The following GLT1D1 variants were observed in gnomAD, a reference collection of about 807,000 sequenced individuals.
GLT1D1 encodes the protein glycosyltransferase 1 domain-containing protein 1.
A neutral mutation model predicts 28.7 loss-of-function variants in GLT1D1; 21 were observed. The observed-to-expected ratio is 0.73, with a 90% CI of 0.52 to 1.05. The LOEUF (loss-of-function observed/expected upper bound fraction) is 1.05, where lower values mean the gene tolerates loss of function less well. GLT1D1 is among the 50% of genes least tolerant of loss of function. The pLI is 0.00. For synonymous variants in GLT1D1, 147 were observed against 124.8 expected, an observed-to-expected ratio of 1.18 and a Z score of -1.19; for missense variants, 343 against 330.6, an observed-to-expected ratio of 1.04 and a Z score of -0.29.
rs1277433362 is a variant in GLT1D1 at position 128,983,915 on chromosome 12, C to G, written c.*825C>G. The G allele has an allele frequency of 6.6e-6, 1 of 152,278 alleles. No individual in the cohort carries two copies. Among genetic ancestry groups the G allele is most frequent in the Non-Finnish European group, 1.5e-5 (1 of 68,076 alleles). 9.4% of individuals were successfully genotyped at this position (152,278 alleles called of 1,614,324 possible). Reference sequence around the variant, plus strand: ...GCCTCCAGCCTTTGGCAGGATGGAGCTTGGGTCTGCAGGGCTTTGCAGCCA... The same window carrying G: ...GCCTCCAGCCTTTGGCAGGATGGAGGTTGGGTCTGCAGGGCTTTGCAGCCA... On this transcript the variant is annotated 3_prime_UTR_variant, in exon 8 of 8. Transcript: ENST00000281703. This position sits in a 1 kb window ranked among gnomAD's most constrained non-coding sequence, Gnocchi z 4.7.
At chr12:128,944,485 TC>T in intron 4 of GLT1D1, 1 of 1,214,342 alleles carries the variant, frequency 8.2e-7, no homozygotes. Flanking sequence ...AATGAGCGGC[TC>T]CCCTGTCAGA....
At chr12:128,972,639 C>T (rs570067982) in intron 7 of GLT1D1, among the ~76,000 whole-genome samples, 5 of 152,302 alleles carry the variant, frequency 3.3e-5, no homozygotes, top group Admixed American at 1.3e-4. Flanking sequence ...TGGATTATCT[C>T]GTTTAACCTG....
intron 7 of GLT1D1, among the ~76,000 whole-genome samples, chr12:128,980,238 C>T (rs1478308503): frequency 6.6e-6 from 1 of 152,190 alleles, no homozygotes; most frequent in Non-Finnish European, 1.5e-5. Context: ...CTGGGGTCAG[C>T]CCAGGGTGTG....
At chr12:128,938,761 T>A (rs1247832218) in intron 4 of GLT1D1, among the ~76,000 whole-genome samples, 1 of 152,206 alleles carries the variant, frequency 6.6e-6, no homozygotes, top group Non-Finnish European at 1.5e-5. Flanking sequence ...AGGCATAGCA[T>A]TAGCAAAATG....
At chr12:128,906,936 A>T (rs1368490541) in intron 4 of GLT1D1, 1 of 702,486 alleles carries the variant, frequency 1.4e-6, no homozygotes. Context: ...TGGCTGTCAC[A>T]AGTGCAGTTC....
intron 2 of GLT1D1, 78 bp downstream of exon 2, chr12:128,876,140 G>A (rs1956865882): frequency 1.3e-5 from 16 of 1,277,016 alleles, no homozygotes; most frequent in Non-Finnish European, 1.6e-5. Flanking sequence ...AATAACACGG[G>A]AAACAGTGTC....
At chr12:128,966,331 A>T (rs1305428228) in intron 7 of GLT1D1, among the ~76,000 whole-genome samples, 2 of 152,222 alleles carry the variant, frequency 1.3e-5, no homozygotes, top group Non-Finnish European at 2.9e-5. Context: ...GATGGCCACC[A>T]AGCTGTCCCT....
intron 2 of GLT1D1, among the ~76,000 whole-genome samples, chr12:128,886,905 G>A (rs1161727798): frequency 2.6e-5 from 4 of 151,970 alleles, no homozygotes; most frequent in Non-Finnish European, 4.4e-5. Context: ...CTGGGCGGGC[G>A]TTTCTATGTC....
intron 7 of GLT1D1, among the ~76,000 whole-genome samples, chr12:128,958,527 G>A (rs757771383): frequency 6.7e-6 from 1 of 149,250 alleles, no homozygotes; most frequent in Non-Finnish European, 1.5e-5. Flanking sequence ...GATCATTTGA[G>A]GTCAGGAGTT....
chr12:128,983,461 C>T lies in GLT1D1; in HGVS notation c.*371C>T, dbSNP rs1204851259. The T allele has an allele frequency of 4.1e-5, 7 of 172,430 alleles. No homozygotes were observed. The highest frequency in any genetic ancestry group is 6.2e-5 in the Non-Finnish European group (5 of 80,354). 10.7% of individuals were successfully genotyped at this position (172,430 alleles called of 1,614,324 possible). On this transcript the variant is annotated 3_prime_UTR_variant, in exon 8 of 8. Coordinates refer to ENST00000281703, the MANE Select transcript of GLT1D1 (RefSeq NM_144669.3). This position sits in a 1 kb window ranked among gnomAD's most constrained non-coding sequence, Gnocchi z 4.7. The stretch of plus-strand genomic sequence containing the variant: ...GCAGTCATGGTTCAGACTCCTCCCG[C>T]CTGCCTTCTGACCAACCTCTCCCCA...
chr12:128,914,972 C>A lies in GLT1D1; in HGVS notation c.375+15685C>A, dbSNP rs1410634229. ...CCAAACGCCGCTTTTAACTGGAATA[C>A]CTTTCTTCAACGCTCTGGTGAGACA... On this transcript the variant is annotated intron_variant, in intron 4 of 7. Coordinates refer to ENST00000281703, the MANE Select transcript of GLT1D1 (RefSeq NM_144669.3). The A allele has an allele frequency of 7.2e-6, 11 of 1,535,914 alleles. No homozygotes were observed. The East Asian group carries it at 7.3e-5, about 10-fold the overall frequency.
chr12:128,921,865 C>T (rs1333395016), intron 4 of GLT1D1, among the ~76,000 whole-genome samples: 3 of 151,844 alleles, frequency 2.0e-5, no homozygotes, highest in Non-Finnish European at 4.4e-5. Context: ...ACAGTGCTTT[C>T]AATACCATCT....
At chr12:128,938,221 T>C (rs1874761886) in intron 4 of GLT1D1, among the ~76,000 whole-genome samples, 1 of 152,172 alleles carries the variant, frequency 6.6e-6, no homozygotes, top group African/African-American at 2.4e-5. Flanking sequence ...GATAACCAGG[T>C]TGTTGGAAGA....
intron 4 of GLT1D1, 21 bp from the exon 8 acceptor site, chr12:128,927,084 G>A (rs1239684466): frequency 6.5e-7 from 1 of 1,530,764 alleles, no homozygotes; most frequent in Non-Finnish European, 8.7e-7. Flanking sequence ...GTGTTTTTTT[G>A]TCTTCTTTTT....
At chr12:128,874,057 C>T (rs56979052) in intron 1 of GLT1D1, among the ~76,000 whole-genome samples, 19 of 52,180 alleles carry the variant, frequency 3.6e-4, no homozygotes, top group African/African-American at 1.5e-3. Context: ...CCCTCCCTCC[C>T]TCCTTTCTTT....
chr12:128,871,963 T>C (rs998606803), intron 1 of GLT1D1, among the ~76,000 whole-genome samples: 9 of 152,152 alleles, frequency 5.9e-5, no homozygotes, highest in Admixed American at 3.3e-4. Context: ...TTTATTTATT[T>C]ATTTTTGAGA....
chr12:128,946,849 A>G (rs923267409), intron 5 of GLT1D1, among the ~76,000 whole-genome samples: 1 of 150,684 alleles, frequency 6.6e-6, no homozygotes, highest in African/African-American at 2.4e-5. Context: ...GGGTTTCGCC[A>G]TGTTCGCCAG....
chr12:128,936,699 T>C (rs144220110), intron 4 of GLT1D1, among the ~76,000 whole-genome samples: 24 of 152,290 alleles, frequency 1.6e-4, no homozygotes, highest in African/African-American at 5.3e-4. Flanking sequence ...CTTAATGACT[T>C]TCCACAATAA....
At chr12:128,938,306 T>A (rs935377358) in intron 4 of GLT1D1, among the ~76,000 whole-genome samples, 1 of 152,212 alleles carries the variant, frequency 6.6e-6, no homozygotes, top group Non-Finnish European at 1.5e-5. Flanking sequence ...TAACTATTAA[T>A]GGCAACAACA....
Sources: gnomAD v4.1 joint callset for allele counts (sites outside exome capture counted in the v4.1 genomes callset) on GRCh38, gnomAD v4.1.1 for gene constraint, Gnocchi (gnomAD v3.1) non-coding constraint, MANE v1.5 for transcripts, NCBI Gene and HGNC (gene_info 2026-07-23, HGNC 2026-07-21) for gene names.